RUFY4: variants seen among roughly 807,000 people sequenced by gnomAD.
RUFY4 encodes the protein RUN and FYVE domain containing 4, also known as RUN and FYVE domain-containing protein 4.
RUFY4 carries 73 observed loss-of-function variants against 69.0 expected under a neutral mutation model. That is an observed-to-expected ratio of 1.06 (90% CI 0.88 to 1.29). The LOEUF is 1.29. Ranked by LOEUF, RUFY4 falls within the 50% of genes most tolerant of loss-of-function variation. The pLI, the probability that RUFY4 is intolerant of heterozygous loss-of-function variation, is 0.00. For synonymous variants in RUFY4, 287 were observed against 271.8 expected (o/e 1.06, Z -0.55); for missense variants, 770 against 705.6 (o/e 1.09, Z -1.03).
upstream of RUFY4, among the ~76,000 whole-genome samples, chr2:218,064,870 C>G (rs1435480772): frequency 6.6e-6 from 1 of 152,094 alleles, no homozygotes; most frequent in Non-Finnish European, 1.5e-5. Context: ...CATCCTATCC[C>G]CTAACCCCAT....
chr2:218,069,232 T>G (rs1262108942), upstream of RUFY4: 1 of 152,496 alleles, frequency 6.6e-6, no homozygotes, highest in Non-Finnish European at 1.5e-5. Flanking sequence ...GGGCTGGGAC[T>G]GAGTTACTTC....
At chr2:218,080,397 G>T (rs1161909943) in intron 8 of RUFY4, among the ~76,000 whole-genome samples, 2 of 152,194 alleles carry the variant, frequency 1.3e-5, no homozygotes, top group African/African-American at 4.8e-5. Context: ...GGCCCATGGG[G>T]CTGTGAAAAC....
intron 2 of RUFY4, among the ~76,000 whole-genome samples, chr2:218,049,787 C>T (rs1227422981): frequency 6.6e-6 from 1 of 152,178 alleles, no homozygotes; most frequent in African/African-American, 2.4e-5. Flanking sequence ...AGATTACAGG[C>T]GTGAGCCACC....
At chr2:218,079,892 A>G (rs11687200) in intron 8 of RUFY4, among the ~76,000 whole-genome samples, 67,180 of 151,910 alleles carry the variant, frequency 0.44, 15,249 homozygotes, top group Middle Eastern at 0.61. Flanking sequence ...ACAGATAGCA[A>G]TCCAATGGCC....
chr2:218,083,335 A>G, intron 9 of RUFY4, 79 bp downstream of exon 11: 5 of 1,495,932 alleles, frequency 3.3e-6, no homozygotes, highest in South Asian at 2.7e-5. Flanking sequence ...TGAAAATTCT[A>G]CTCCACTCAC....
intron 2 of RUFY4, among the ~76,000 whole-genome samples, chr2:218,071,532 A>ACACACGTGC (rs1421807199): frequency 6.6e-6 from 1 of 151,974 alleles, no homozygotes; most frequent in African/African-American, 2.4e-5. Flanking sequence ...TAGATTTTCA[A>ACACACGTGC]CACACGTGCC....
At chr2:218,076,475 G>A (rs1436176523) in exon 8 of RUFY4, 8 of 1,550,838 alleles carry the variant, frequency 5.2e-6, no homozygotes, top group Admixed American at 2.0e-5. Context: ...CCAGCGCCAG[G>A]AGCAGCTGCT....
At chr2:218,074,123 C>T (rs571737269) in intron 6 of RUFY4, among the ~76,000 whole-genome samples, 2 of 152,200 alleles carry the variant, frequency 1.3e-5, no homozygotes, top group East Asian at 3.9e-4. Context: ...GCACCCTCTG[C>T]CGGAGCCACT....
At chr2:218,037,579 T>G (rs1958998659) in intron 2 of RUFY4, among the ~76,000 whole-genome samples, 1 of 152,228 alleles carries the variant, frequency 6.6e-6, no homozygotes, top group African/African-American at 2.4e-5. Flanking sequence ...GTTGGAACTT[T>G]TGATAGGAAA....
At chr2:218,086,933 G>A (rs944319121) in intron 9 of RUFY4, among the ~76,000 whole-genome samples, 1 of 151,946 alleles carries the variant, frequency 6.6e-6, no homozygotes, top group Non-Finnish European at 1.5e-5. Flanking sequence ...TTAAAGGCAA[G>A]TAATGCAAGG....
upstream of RUFY4, among the ~76,000 whole-genome samples, chr2:218,066,438 G>C (rs2106041729): frequency 6.6e-6 from 1 of 152,184 alleles, no homozygotes; most frequent in African/African-American, 2.4e-5. Flanking sequence ...GCCTCCCAAA[G>C]TGCTGGGATT....
At chr2:218,089,198 T>C in intron 9 of RUFY4, 54 bp from the exon 12 acceptor site, 1 of 1,427,384 alleles carries the variant, frequency 7.0e-7, no homozygotes, top group Admixed American at 1.9e-5. Flanking sequence ...TTCCCATTTC[T>C]ATCTTTTGAT....
At chr2:218,053,686 ATT>A (rs1688995768) in intron 2 of RUFY4, among the ~76,000 whole-genome samples, 1 of 151,780 alleles carries the variant, frequency 6.6e-6, no homozygotes, top group Non-Finnish European at 1.5e-5. Flanking sequence ...ATTTTTTTGT[ATT>A]TTTTGTAGAG....
At chr2:218,074,982 G>C in intron 6 of RUFY4, 111 bp from the exon 9 acceptor site, 2 of 1,177,246 alleles carry the variant, frequency 1.7e-6, no homozygotes, top group Non-Finnish European at 2.3e-6. Context: ...AGAGGACCTG[G>C]TACCTATCTA....
At chr2:218,068,147 A>G (rs1437197943), upstream of RUFY4, among the ~76,000 whole-genome samples, 1 of 128,354 alleles carries the variant, frequency 7.8e-6, no homozygotes, top group African/African-American at 2.9e-5. Flanking sequence ...GGAGGAGGGC[A>G]GGGGACTGGA....
intron 2 of RUFY4, among the ~76,000 whole-genome samples, chr2:218,056,912 C>T (rs1416727587): frequency 1.3e-5 from 2 of 151,978 alleles, no homozygotes; most frequent in African/African-American, 4.8e-5. Flanking sequence ...ATGGTGAAAC[C>T]CCGTCTCTAC....
chr2:218,081,948 A>C (rs1475482594), intron 8 of RUFY4, among the ~76,000 whole-genome samples: 1 of 152,144 alleles, frequency 6.6e-6, no homozygotes, highest in African/African-American at 2.4e-5. Flanking sequence ...GCTCAAACAC[A>C]CTCAAGCCCC....
intron 2 of RUFY4, among the ~76,000 whole-genome samples, chr2:218,055,937 T>G (rs1689051627): frequency 6.6e-6 from 1 of 152,230 alleles, no homozygotes; most frequent in Non-Finnish European, 1.5e-5. Context: ...AATGCTATCA[T>G]TAAAATTTCA....
chr2:218,074,565 T>TA lies in RUFY4; in HGVS notation c.601-520dup, dbSNP rs1030632099. On this transcript the variant is annotated intron_variant, in intron 6 of 10. Coordinates refer to ENST00000344321, the Ensembl canonical transcript of RUFY4. ...AGGGTCTCTTCATGGAGATATACCA[T>TA]AAAAAAAAGCATTGCAATATACAAT... 5.9e-5 allele frequency among the ~76,000 whole-genome samples: 9 copies of TA among 151,704 alleles called. No homozygotes were observed. The South Asian group carries it at 6.3e-4, about 11-fold the overall frequency.
Sources: gnomAD v4.1 joint callset for allele counts (sites outside exome capture counted in the v4.1 genomes callset) on GRCh38, gnomAD v4.1.1 for gene constraint, MANE v1.5 for transcripts, NCBI Gene and HGNC (gene_info 2026-07-23, HGNC 2026-07-21) for gene names.